Variants in GALNT10 observed in about 807,000 individuals in gnomAD.
The protein encoded by GALNT10 is polypeptide N-acetylgalactosaminyltransferase 10, also known as GalNAc transferase 10.
In GALNT10, 41 loss-of-function variants were observed where a neutral mutation model predicts 75.0. That is an observed-to-expected ratio of 0.55 (90% CI 0.43 to 0.71). The LOEUF (loss-of-function observed/expected upper bound fraction) is 0.71. GALNT10 is among the 30% of genes least tolerant of loss of function. GALNT10 has a pLI of 0.00. For missense variants in GALNT10, 727 were observed against 818.5 expected (o/e 0.89, Z 1.36); for synonymous variants, 302 against 313.0 (o/e 0.96, Z 0.37).
chr5:154,412,887 A>T lies in GALNT10; in HGVS notation c.1387-2A>T. The T allele has an allele frequency of 6.2e-7, 1 of 1,607,182 alleles. No homozygotes were observed. The highest frequency in any genetic ancestry group is 8.5e-7 in the Non-Finnish European group (1 of 1,173,794). ...TCCACTTCTTCCCTCTTTCCCTTTC[A>T]GATCCGAAATGTGGGCACAGGGCTG... On this transcript the variant is annotated splice_acceptor_variant, in intron 9 of 11. Coordinates refer to ENST00000297107, the MANE Select transcript of GALNT10 (RefSeq NM_198321.4). LOFTEE classifies it high-confidence loss of function. This position sits in a 1 kb window ranked among gnomAD's most constrained non-coding sequence, Gnocchi z 4.2.
rs150667943 is a variant in GALNT10, at chr5:154,259,199, C to G, written c.160-35617C>G. Among the ~76,000 whole-genome samples the G allele has an allele frequency of 8.5e-5, 13 of 152,168 alleles. No individual in the cohort carries two copies. The East Asian group carries it at 2.5e-3, about 29-fold the overall frequency. Reference sequence around the variant, plus strand: ...TAGTTTCCTTCAACCTGTGACATCTCCTCAGTCTTTTGTTTTTCATGACGT... The same window carrying G: ...TAGTTTCCTTCAACCTGTGACATCTGCTCAGTCTTTTGTTTTTCATGACGT... On this transcript the variant is annotated intron_variant, in intron 1 of 11. Coordinates refer to ENST00000297107, the MANE Select transcript of GALNT10 (RefSeq NM_198321.4).
At chr5:154,307,696 A>T (rs79782693) in intron 3 of GALNT10, among the ~76,000 whole-genome samples, 2,344 of 151,966 alleles carry the variant, frequency 0.015, 45 homozygotes, top group African/African-American at 0.052. Flanking sequence ...TTTCCAACTC[A>T]CTGTAAAACC....
intron 1 of GALNT10, among the ~76,000 whole-genome samples, chr5:154,282,157 G>C (rs1043611161): frequency 6.6e-6 from 1 of 152,218 alleles, no homozygotes; most frequent in African/African-American, 2.4e-5. Context: ...GAGAGAGATG[G>C]TTGGGACCAA....
chr5:154,191,329 C>T (rs1017011956), intron 1 of GALNT10, among the ~76,000 whole-genome samples: 8 of 152,040 alleles, frequency 5.3e-5, no homozygotes, highest in African/African-American at 1.9e-4. Context: ...TTGAAGGATC[C>T]TATCTGCATC....
In GALNT10 at chr5:154,326,997, A is replaced by G. The variant is rs146306185; in HGVS notation, c.402-2575A>G. On this transcript the variant is annotated intron_variant, in intron 3 of 11. Transcript: ENST00000297107. ...AAATTTCTGCTTAAACTCATAATGT[A>G]TTGTTTAAAATATATTCATACCAGC... is the stretch of plus-strand genomic sequence containing the variant. 7.2e-5 allele frequency among the ~76,000 whole-genome samples: 11 copies of G among 152,262 alleles called. No individual in the cohort carries two copies. The East Asian group carries it at 1.9e-3, about 27-fold the overall frequency.
At chr5:154,328,872 G>A (rs879915254) in intron 3 of GALNT10, among the ~76,000 whole-genome samples, 8 of 152,090 alleles carry the variant, frequency 5.3e-5, no homozygotes, top group Admixed American at 3.3e-4. Context: ...CATAGGGCAG[G>A]GTCTGTGGGA....
At chr5:154,199,242 G>A (rs1774989477) in intron 1 of GALNT10, among the ~76,000 whole-genome samples, 1 of 152,120 alleles carries the variant, frequency 6.6e-6, no homozygotes, top group African/African-American at 2.4e-5. Flanking sequence ...TGAAGGGGCT[G>A]GTTTGGGCTT....
chr5:154,202,125 C>T (rs1319886428), intron 1 of GALNT10, among the ~76,000 whole-genome samples: 1 of 152,160 alleles, frequency 6.6e-6, no homozygotes, highest in African/African-American at 2.4e-5. Flanking sequence ...CTGAGGGGAC[C>T]TCACAGGCAC....
At chr5:154,254,005 A>G (rs1035433519) in intron 1 of GALNT10, among the ~76,000 whole-genome samples, 8 of 152,030 alleles carry the variant, frequency 5.3e-5, no homozygotes, top group Non-Finnish European at 1.0e-4. Context: ...TTGGGCAGAA[A>G]TCCTCCCAGT....
Position 154,366,556 on chromosome 5 carries a change from G to T in GALNT10, c.569-9721G>T, listed in dbSNP as rs1755477838. Among the ~76,000 whole-genome samples the T allele has an allele frequency of 3.3e-5, 5 of 152,268 alleles. No individual in the cohort carries two copies. In the South Asian group the frequency reaches 1.0e-3, roughly 32 times the overall value. ...GGTTAGGTCCAATTCCCTCAGATCT[G>T]CTGTGTCCTTGATGTTTTCCAGCTG... On this transcript the variant is annotated intron_variant, in intron 4 of 11. Transcript: ENST00000297107.
chr5:154,353,871 C>T (rs1430866507), intron 4 of GALNT10, among the ~76,000 whole-genome samples: 4 of 152,180 alleles, frequency 2.6e-5, no homozygotes, highest in Non-Finnish European at 5.9e-5. Flanking sequence ...TTCCTGACTC[C>T]CAGCTCTTAT....
chr5:154,326,175 A>T (rs925630215), intron 3 of GALNT10, among the ~76,000 whole-genome samples: 1 of 152,178 alleles, frequency 6.6e-6, no homozygotes, highest in East Asian at 1.9e-4. Context: ...CAACATCATT[A>T]GTCATTAAAC....
intron 4 of GALNT10, among the ~76,000 whole-genome samples, chr5:154,359,791 C>T (rs965441504): frequency 6.6e-6 from 1 of 150,742 alleles, no homozygotes; most frequent in African/African-American, 2.4e-5. Context: ...TTTATTATAT[C>T]AAGTATGCCA....
intron 3 of GALNT10, among the ~76,000 whole-genome samples, chr5:154,328,661 T>C (rs1388843178): frequency 6.6e-6 from 1 of 152,154 alleles, no homozygotes; most frequent in Non-Finnish European, 1.5e-5. Context: ...CCCACAAGAT[T>C]ATCCCTCACC....
At chr5:154,316,260 C>T (rs1447447317) in intron 3 of GALNT10, among the ~76,000 whole-genome samples, 1 of 152,192 alleles carries the variant, frequency 6.6e-6, no homozygotes, top group Non-Finnish European at 1.5e-5. Context: ...TTATTTACAT[C>T]CAGGGTCTCC....
intron 1 of GALNT10, among the ~76,000 whole-genome samples, chr5:154,209,090 T>C (rs1298978730): frequency 2.0e-4 from 30 of 152,204 alleles, no homozygotes. Flanking sequence ...GAATGGGTGC[T>C]GGGAGAAGCT....
intron 1 of GALNT10, among the ~76,000 whole-genome samples, chr5:154,195,334 C>G (rs1774920099): frequency 6.6e-6 from 1 of 152,208 alleles, no homozygotes; most frequent in Non-Finnish European, 1.5e-5. Context: ...TGTGTCAGAA[C>G]TGGTAAGGGA....
At position 154,376,326 on chromosome 5, in the gene GALNT10, G is replaced by C. The variant is rs748819596; in HGVS notation, c.618G>C (p.Val206=). The C allele has an allele frequency of 1.9e-6, 3 of 1,612,716 alleles. No homozygotes were observed. Among genetic ancestry groups the C allele is most frequent in the Non-Finnish European group, 2.5e-6 (3 of 1,179,354 alleles). Residue 206 remains valine, a synonymous_variant, in exon 5 of 12, where the codon GTG becomes GTC. Coordinates refer to ENST00000297107, the MANE Select transcript of GALNT10 (RefSeq NM_198321.4). The surrounding 1 kb of genome is among the most constrained non-coding windows in gnomAD (Gnocchi z 4.1). The part of the protein sequence containing the change: ...LEDYMALFPS[V]RILRTKKREG... Reference sequence around the variant, plus strand: ...ACTACATGGCCCTTTTCCCCAGTGTGAGGATTCTTCGAACCAAGAAACGGG... The same window carrying C: ...ACTACATGGCCCTTTTCCCCAGTGTCAGGATTCTTCGAACCAAGAAACGGG...
In GALNT10 at chr5:154,190,997, G is replaced by GGGCGGCGGTGGCGCC. The variant is rs1774850456; in HGVS notation, c.140_154dup (p.Val47_Ala51dup). ...CCCGACGGCACCCCTGGGGGATCGG[G>GGGCGGCGGTGGCGCC]GGCGGCGGTGGCGCCGGCGGCGGGA... On this transcript the variant is annotated inframe_insertion, in exon 1 of 12. Coordinates refer to ENST00000297107, the MANE Select transcript of GALNT10 (RefSeq NM_198321.4). 2.0e-6 allele frequency: 3 copies of GGGCGGCGGTGGCGCC among 1,486,974 alleles called. No homozygotes were observed. Among genetic ancestry groups the GGGCGGCGGTGGCGCC allele is most frequent in the Non-Finnish European group, 2.7e-6 (3 of 1,117,188 alleles). The allele number at this position is 1,486,974 out of a possible 1,614,324, so 92.1% of individuals were successfully genotyped here. A position where few individuals can be genotyped will look rare whatever the true frequency, so the allele number is the denominator to read the frequency against.
Sources: allele counts gnomAD v4.1 joint callset (sites outside exome capture counted in the v4.1 genomes callset), GRCh38; gene constraint gnomAD v4.1.1; non-coding constraint Gnocchi (gnomAD v3.1); transcripts MANE v1.5; gene names NCBI Gene and HGNC (gene_info 2026-07-23, HGNC 2026-07-21).